Variants in CCDC88A observed in about 807,000 individuals in gnomAD.
The protein encoded by CCDC88A is coiled-coil and HOOK domain protein 88A.
A neutral mutation model predicts 234.3 loss-of-function variants in CCDC88A; 54 were observed. The observed-to-expected ratio is 0.23, with a 90% CI of 0.19 to 0.29. CCDC88A has a LOEUF of 0.29. CCDC88A is among the 10% of genes least tolerant of loss of function. The pLI is 1.00. For synonymous variants in CCDC88A, 753 were observed against 737.8 expected (o/e 1.02, Z -0.33); for missense variants, 1,832 against 2,123.4 (o/e 0.86, Z 2.70).
intron 25 of CCDC88A, among the ~76,000 whole-genome samples, chr2:55,305,437 T>C (rs1681430755): frequency 6.6e-6 from 1 of 152,232 alleles, no homozygotes; most frequent in South Asian, 2.1e-4. Flanking sequence ...CTGATTCTTA[T>C]TCTGGATGTT....
chr2:55,326,784 T>C (rs946492580), intron 17 of CCDC88A, among the ~76,000 whole-genome samples: 3 of 152,160 alleles, frequency 2.0e-5, no homozygotes, highest in African/African-American at 4.8e-5. Flanking sequence ...TCAGCAAGGC[T>C]GGTCTTGAAC....
At chr2:55,331,700 A>C (rs144886501) in intron 16 of CCDC88A, 76 of 152,314 alleles carry the variant, frequency 5.0e-4, no homozygotes, top group African/African-American at 1.7e-3. Context: ...AATTACCATG[A>C]GAGAATACAT....
intron 17 of CCDC88A, among the ~76,000 whole-genome samples, chr2:55,326,291 T>C (rs1684256536): frequency 6.6e-6 from 1 of 152,156 alleles, no homozygotes; most frequent in African/African-American, 2.4e-5. Flanking sequence ...GTGCTGGGAT[T>C]ACAGAGATAA....
At chr2:55,392,323 T>C (rs1268575512) in intron 2 of CCDC88A, among the ~76,000 whole-genome samples, 1 of 152,228 alleles carries the variant, frequency 6.6e-6, no homozygotes, top group Non-Finnish European at 1.5e-5. Flanking sequence ...TGCTCCTTGA[T>C]GATTTTTAGG....
rs755361822 is a variant in CCDC88A, at chr2:55,335,754, T to C, written c.1657-590A>G. 6.6e-6 allele frequency among the ~76,000 whole-genome samples: 1 copy of C among 152,192 alleles called. No homozygotes were observed. The highest frequency in any genetic ancestry group is 1.9e-4 in the East Asian group (1 of 5,202). Reference sequence around the variant, plus strand: ...TAATACAATGATTCTCAAAATTTAGTGTGTTAAATAATCTCAACAAGCTTG... The same window carrying C: ...TAATACAATGATTCTCAAAATTTAGCGTGTTAAATAATCTCAACAAGCTTG... On this transcript the variant is annotated intron_variant, in intron 14 of 32. Coordinates refer to ENST00000436346, the MANE Select transcript of CCDC88A (RefSeq NM_001365480.1). The surrounding 1 kb of genome is among the most constrained non-coding windows in gnomAD (Gnocchi z 4.5).
chr2:55,303,682 G>T (rs1681173794), intron 25 of CCDC88A, among the ~76,000 whole-genome samples: 2 of 152,094 alleles, frequency 1.3e-5, no homozygotes, highest in South Asian at 4.1e-4. Context: ...CGCCCGGCCT[G>T]AGGAACATAT....
chr2:55,411,847 G>A (rs1486360110), intron 2 of CCDC88A, among the ~76,000 whole-genome samples: 1 of 143,504 alleles, frequency 7.0e-6, no homozygotes, highest in Non-Finnish European at 1.5e-5. Flanking sequence ...CAAACTGAAA[G>A]CACTGTATAT....
intron 29 of CCDC88A, among the ~76,000 whole-genome samples, chr2:55,297,906 A>T (rs2104559668): frequency 6.6e-6 from 1 of 152,342 alleles, no homozygotes; most frequent in East Asian, 1.9e-4. Context: ...TTAAATAAAG[A>T]TATGAAGCAA....
rs1013168104 is a variant in CCDC88A, at chr2:55,419,354, C to G, written c.-275G>C. 7.6e-5 allele frequency: 32 copies of G among 421,310 alleles called. No homozygotes were observed. In the South Asian group the frequency reaches 7.9e-4, roughly 10 times the overall value. 26.1% of individuals were successfully genotyped at this position (421,310 alleles called of 1,614,324 possible). A position where few individuals can be genotyped will look rare whatever the true frequency, so the allele number is the denominator to read the frequency against. ...GCGAGGAGGGGCAGAGAAAAGGCAT[C>G]TGGAGGAGGAGGAAGGGAAAGGGGG... is the stretch of plus-strand genomic sequence containing the variant. On this transcript the variant is annotated 5_prime_UTR_variant, in exon 1 of 33. Transcript: ENST00000436346.
In CCDC88A at chr2:55,355,727, G is replaced by T; in HGVS notation, c.652C>A (p.Arg218=). 6.2e-7 allele frequency: 1 copy of T among 1,613,466 alleles called. No individual in the cohort carries two copies. The highest frequency in any genetic ancestry group is 8.5e-7 in the Non-Finnish European group (1 of 1,179,486). ...SETIIELSEE[R]DGLHFLPHAS... ...TGGGGTAGAAAATGGAGACCATCCC[G>T]CTCTTCAGAGAGTTCTATGATAGTC... Residue 218 remains arginine, a synonymous_variant, in exon 8 of 33, where the codon CGG becomes AGG. Coordinates refer to ENST00000436346, the MANE Select transcript of CCDC88A (RefSeq NM_001365480.1).
chr2:55,303,797 A>T (rs2104578247), intron 25 of CCDC88A, among the ~76,000 whole-genome samples: 1 of 152,368 alleles, frequency 6.6e-6, no homozygotes, highest in South Asian at 2.1e-4. Flanking sequence ...GTAAACCTTT[A>T]AAATGAAGGC....
intron 31 of CCDC88A, chr2:55,292,940 A>T (rs1679597490): frequency 6.6e-6 from 1 of 152,180 alleles, no homozygotes; most frequent in Admixed American, 6.5e-5. Flanking sequence ...TCTGAAGTCC[A>T]GACTGTATTT....
At chr2:55,357,206 C>G (rs546299379) in intron 7 of CCDC88A, among the ~76,000 whole-genome samples, 2 of 152,276 alleles carry the variant, frequency 1.3e-5, no homozygotes, top group African/African-American at 2.4e-5. Flanking sequence ...CACCATGACT[C>G]CAGGCCAGTC....
At chr2:55,380,316 T>A (rs35963448) in intron 3 of CCDC88A, among the ~76,000 whole-genome samples, 84,347 of 151,930 alleles carry the variant, frequency 0.56, 24,794 homozygotes, top group Admixed American at 0.65. Context: ...AACGTTAAAA[T>A]TTTTAAAGAT....
rs1170272591 is a variant in CCDC88A, at chr2:55,334,390, C to G, written c.2431G>C (p.Glu811Gln). The change falls in exon 15 of 33, where the codon GAA becomes CAA. Residue 811 changes from glutamate (E) to glutamine (Q), a missense_variant. Physicochemically the swap from Glu to Gln is conservative, Grantham distance 29. Around this residue, in one of 6 missense-constraint regions of CCDC88A, gnomAD observed 1,282 missense variants for 1,543.6 expected, o/e 0.83. Coordinates refer to ENST00000436346, the MANE Select transcript of CCDC88A (RefSeq NM_001365480.1). The surrounding 1 kb of genome is among the most constrained non-coding windows in gnomAD (Gnocchi z 6.1). ...EELKISSKRLEQLEKENKSLE... is the reference protein window; with the variant it reads ...EELKISSKRLQQLEKENKSLE... ...GATTTATTTTCTTTTTCCAGCTGTTCTAGTCTTTTGCTAGATATTTTTAGT... is the reference window on the plus strand; with the variant it reads ...GATTTATTTTCTTTTTCCAGCTGTTGTAGTCTTTTGCTAGATATTTTTAGT... The G allele has an allele frequency of 6.3e-7, 1 of 1,576,976 alleles. No homozygotes were observed. Among genetic ancestry groups the G allele is most frequent in the African/African-American group, 1.4e-5 (1 of 72,538 alleles).
chr2:55,377,247 G>A (rs1407901672), intron 3 of CCDC88A, among the ~76,000 whole-genome samples: 2 of 149,620 alleles, frequency 1.3e-5, no homozygotes, highest in East Asian at 3.9e-4. Flanking sequence ...ACCCACATGG[G>A]AGTACATCGG....
At chr2:55,398,738 CCTCAT>C (rs377286923) in intron 2 of CCDC88A, among the ~76,000 whole-genome samples, 97 of 151,982 alleles carry the variant, frequency 6.4e-4, no homozygotes, top group African/African-American at 2.1e-3. Context: ...CACAGTGAAA[CCTCAT>C]CTCCACAAAA....
intron 2 of CCDC88A, among the ~76,000 whole-genome samples, chr2:55,413,363 T>C (rs567670183): frequency 3.2e-4 from 49 of 152,282 alleles, no homozygotes; most frequent in African/African-American, 1.0e-3. Flanking sequence ...AATAGACTTA[T>C]CTGTCCCTGC....
chr2:55,300,046 C>A (rs1680692306), intron 28 of CCDC88A, 127 bp from the exon 29 acceptor site: 2 of 668,148 alleles, frequency 3.0e-6, no homozygotes, highest in Non-Finnish European at 5.3e-6. Flanking sequence ...TGAGCATGCC[C>A]AGATTAGAAA....
Sources: gnomAD v4.1 joint callset for allele counts (sites outside exome capture counted in the v4.1 genomes callset) on GRCh38, gnomAD v4.1.1 for gene constraint, gnomAD v4.1.1 regional missense constraint, Gnocchi (gnomAD v3.1) non-coding constraint, MANE v1.5 for transcripts, NCBI Gene and HGNC (gene_info 2026-07-23, HGNC 2026-07-21) for gene names.